Variants in PTPRM observed in about 807,000 individuals in gnomAD.
PTPRM encodes protein tyrosine phosphatase receptor type M.
In PTPRM, 47 loss-of-function variants were observed where a neutral mutation model predicts 186.7. That is an observed-to-expected ratio of 0.25 (90% CI 0.20 to 0.32). PTPRM has a LOEUF of 0.32. Among genes scored for constraint, PTPRM ranks in the 10% least tolerant of loss-of-function variants. The pLI, the probability that PTPRM is intolerant of heterozygous loss-of-function variation, is 1.00. For synonymous variants in PTPRM, 668 were observed against 674.9 expected, an observed-to-expected ratio of 0.99 and a Z score of 0.16; for missense variants, 1,494 against 1,865.0, an observed-to-expected ratio of 0.80 and a Z score of 3.66.
chr18:7,818,516 A>T (rs73377916), intron 2 of PTPRM, among the ~76,000 whole-genome samples: 2 of 152,170 alleles, frequency 1.3e-5, no homozygotes, highest in African/African-American at 4.8e-5. Flanking sequence ...TCATCTATGT[A>T]TCTACTCTAG....
chr18:8,241,371 A>G (rs1408415850), intron 14 of PTPRM, among the ~76,000 whole-genome samples: 1 of 149,674 alleles, frequency 6.7e-6, no homozygotes, highest in Non-Finnish European at 1.5e-5. Context: ...TTAAAAATTA[A>G]AGAAAATGAA....
In PTPRM at chr18:7,568,992, T is replaced by C. The variant is rs1356374393; in HGVS notation, c.73+1101T>C. Among the ~76,000 whole-genome samples the C allele has an allele frequency of 2.6e-5, 4 of 152,150 alleles. No homozygotes were observed. Among genetic ancestry groups the C allele is most frequent in the Non-Finnish European group, 5.9e-5 (4 of 68,016 alleles). On this transcript the variant is annotated intron_variant, in intron 1 of 32. Transcript: ENST00000580170. This position sits in a 1 kb window ranked among gnomAD's most constrained non-coding sequence, Gnocchi z 5.1. Reference sequence around the variant, plus strand: ...TGGGGGCGGTGGGCTTTCTTTTTCTTTAATAAAAAAGCCTGCTCTTTGGTC... The same window carrying C: ...TGGGGGCGGTGGGCTTTCTTTTTCTCTAATAAAAAAGCCTGCTCTTTGGTC...
chr18:8,380,867 G>A (rs963638454), intron 29 of PTPRM, among the ~76,000 whole-genome samples: 2 of 152,108 alleles, frequency 1.3e-5, no homozygotes, highest in African/African-American at 4.8e-5. Context: ...TGTGCTTCCT[G>A]GCACAGCTCA....
intron 11 of PTPRM, among the ~76,000 whole-genome samples, chr18:8,090,393 T>TA (rs2090650543): frequency 6.6e-6 from 1 of 152,290 alleles, no homozygotes; most frequent in Non-Finnish European, 1.5e-5. Flanking sequence ...TGTGAATAGT[T>TA]AGAGTTCACT....
intron 7 of PTPRM, among the ~76,000 whole-genome samples, chr18:7,978,192 C>T (rs2055085148): frequency 6.6e-6 from 1 of 152,150 alleles, no homozygotes; most frequent in Admixed American, 6.5e-5. Context: ...TGGGATTGGA[C>T]AGTAAGAATC....
At chr18:7,962,394 T>C (rs2053741683) in intron 7 of PTPRM, among the ~76,000 whole-genome samples, 1 of 152,196 alleles carries the variant, frequency 6.6e-6, no homozygotes, top group Admixed American at 6.5e-5. Flanking sequence ...TACGGTGTTG[T>C]GTTTTCTTTT....
chr18:7,758,084 C>T (rs756640515), intron 1 of PTPRM, among the ~76,000 whole-genome samples: 22 of 152,234 alleles, frequency 1.4e-4, no homozygotes, highest in Non-Finnish European at 2.6e-4. Flanking sequence ...AAATCTAGAA[C>T]GGGACTCAAT....
At chr18:8,305,120 C>T (rs975791498) in intron 20 of PTPRM, among the ~76,000 whole-genome samples, 1 of 152,126 alleles carries the variant, frequency 6.6e-6, no homozygotes, top group African/African-American at 2.4e-5. Flanking sequence ...AGAGATCTTT[C>T]CAGGTAAATA....
intron 2 of PTPRM, among the ~76,000 whole-genome samples, chr18:7,809,237 T>G (rs1268755424): frequency 2.0e-5 from 3 of 152,100 alleles, no homozygotes; most frequent in Non-Finnish European, 4.4e-5. Context: ...AGTGAAGCTC[T>G]CTCTCCAGGG....
At chr18:7,800,230 C>T (rs556376462) in intron 2 of PTPRM, among the ~76,000 whole-genome samples, 203 of 152,286 alleles carry the variant, frequency 1.3e-3, no homozygotes, top group African/African-American at 3.6e-3. Context: ...TCTATTACAG[C>T]GCTGCCCAAT....
chr18:7,575,563 T>C (rs1484329206), intron 1 of PTPRM, among the ~76,000 whole-genome samples: 1 of 152,230 alleles, frequency 6.6e-6, no homozygotes, highest in Admixed American at 6.5e-5. Flanking sequence ...CAATTTTTTC[T>C]TTTTTCTGCT....
At chr18:7,736,925 T>G (rs943518192) in intron 1 of PTPRM, among the ~76,000 whole-genome samples, 42 of 152,186 alleles carry the variant, frequency 2.8e-4, no homozygotes, top group South Asian at 2.1e-4. Context: ...ATGAGAGGTC[T>G]TTCTCTTCCT....
intron 31 of PTPRM, among the ~76,000 whole-genome samples, chr18:8,390,054 G>A (rs1398991312): frequency 6.6e-6 from 1 of 152,238 alleles, no homozygotes; most frequent in Non-Finnish European, 1.5e-5. Flanking sequence ...TTCAACAGCT[G>A]CCGAAAGTAT....
rs545595689 is a variant in PTPRM, at chr18:8,141,334, T to G, written c.2168-2313T>G. 9.2e-5 allele frequency among the ~76,000 whole-genome samples: 14 copies of G among 152,342 alleles called. 1 individual carries two copies. In the South Asian group the frequency reaches 2.9e-3, roughly 32 times the overall value. On this transcript the variant is annotated intron_variant, in intron 13 of 32. Coordinates refer to ENST00000580170, the MANE Select transcript of PTPRM (RefSeq NM_001105244.2). ...TCACTGTCCCATTTAGCGTGGTTGC[T>G]ACCGTCATCACGTTGCAACTGTGTC... is the stretch of plus-strand genomic sequence containing the variant.
At chr18:7,977,965 A>T in intron 7 of PTPRM, among the ~76,000 whole-genome samples, 1 of 152,154 alleles carries the variant, frequency 6.6e-6, no homozygotes, top group East Asian at 1.9e-4. Context: ...CCTCTAACTC[A>T]AATCTTGTTG....
At chr18:8,243,145 C>A (rs1229473434) in intron 14 of PTPRM, among the ~76,000 whole-genome samples, 1 of 152,102 alleles carries the variant, frequency 6.6e-6, no homozygotes, top group Non-Finnish European at 1.5e-5. Flanking sequence ...GTTAGTTTCC[C>A]TTTAAGTCTT....
At chr18:7,869,241 G>T (rs896050107) in intron 2 of PTPRM, among the ~76,000 whole-genome samples, 3 of 152,154 alleles carry the variant, frequency 2.0e-5, no homozygotes, top group Non-Finnish European at 4.4e-5. Context: ...TGCCACTGGG[G>T]TATGAAACAA....
rs2094725127 is a variant in PTPRM, at chr18:8,268,145, A to G, written c.2754+14731A>G. Among the ~76,000 whole-genome samples the G allele has an allele frequency of 2.6e-5, 4 of 152,274 alleles. No homozygotes were observed. The South Asian group carries it at 8.3e-4, about 32-fold the overall frequency. The stretch of plus-strand genomic sequence containing the variant: ...TCTGTATAGTTTTGTTTGAAATTGC[A>G]TGGGATGCATTTATAAATCTTGGGA... On this transcript the variant is annotated intron_variant, in intron 19 of 32. Transcript: ENST00000580170.
At chr18:7,886,056 A>G (rs1307310265) in intron 2 of PTPRM, among the ~76,000 whole-genome samples, 1 of 152,198 alleles carries the variant, frequency 6.6e-6, no homozygotes, top group Non-Finnish European at 1.5e-5. Flanking sequence ...ATTCTTGGCA[A>G]TATGGCCATA....
Sources: gnomAD v4.1 joint callset for allele counts (sites outside exome capture counted in the v4.1 genomes callset) on GRCh38, gnomAD v4.1.1 for gene constraint, Gnocchi (gnomAD v3.1) non-coding constraint, MANE v1.5 for transcripts, NCBI Gene and HGNC (gene_info 2026-07-23, HGNC 2026-07-21) for gene names.